CACNA2D1: variants seen among roughly 807,000 people sequenced by gnomAD.
CACNA2D1 encodes the protein calcium voltage-gated channel auxiliary subunit alpha2delta 1.
CACNA2D1 carries 53 observed loss-of-function variants against 171.5 expected under a neutral mutation model. The ratio of observed to expected loss-of-function variants is 0.31; its 90% CI spans 0.25 to 0.39. The LOEUF (loss-of-function observed/expected upper bound fraction) is 0.39, where lower values mean the gene tolerates loss of function less well. Among genes scored for constraint, CACNA2D1 ranks in the 10% least tolerant of loss-of-function variants. CACNA2D1 has a pLI of 1.00. For synonymous variants in CACNA2D1, 442 were observed against 443.1 expected (o/e 1.00, Z 0.03); for missense variants, 903 against 1,299.8 (o/e 0.69, Z 4.69).
chr7:82,280,505 C>T (rs958876143), intron 3 of CACNA2D1, among the ~76,000 whole-genome samples: 2 of 152,114 alleles, frequency 1.3e-5, no homozygotes, highest in Non-Finnish European at 2.9e-5. Context: ...CTTCCTACTC[C>T]CAAGCTGTAG....
At chr7:81,955,403 T>TTTTTTTCAACTTAA (rs1162500647) in intron 38 of CACNA2D1, among the ~76,000 whole-genome samples, 2 of 152,272 alleles carry the variant, frequency 1.3e-5, no homozygotes, top group East Asian at 3.9e-4. Flanking sequence ...TTTGTAATGA[T>TTTTTTTCAACTTAA]TTTTTTCAAC....
At chr7:82,076,390 T>TA (rs1808969021) in intron 7 of CACNA2D1, among the ~76,000 whole-genome samples, 1 of 152,144 alleles carries the variant, frequency 6.6e-6, no homozygotes, top group Non-Finnish European at 1.5e-5. Context: ...TGTTCTAAGT[T>TA]AAACTCATCA....
intron 4 of CACNA2D1, among the ~76,000 whole-genome samples, chr7:82,168,322 T>G (rs894558350): frequency 6.6e-6 from 1 of 152,070 alleles, no homozygotes; most frequent in Non-Finnish European, 1.5e-5. Flanking sequence ...TTTTGTATTT[T>G]TAGTGGAGAT....
intron 1 of CACNA2D1, among the ~76,000 whole-genome samples, chr7:82,405,181 G>A (rs950790355): frequency 2.6e-5 from 4 of 152,020 alleles, no homozygotes; most frequent in Admixed American, 2.6e-4. Flanking sequence ...GCTCAGTAAT[G>A]GAGGACAATA....
At chr7:82,148,980 C>T (rs2129104288) in intron 4 of CACNA2D1, among the ~76,000 whole-genome samples, 1 of 152,248 alleles carries the variant, frequency 6.6e-6, no homozygotes, top group Non-Finnish European at 1.5e-5. Context: ...CTTGTATTTC[C>T]CCACTCTATA....
intron 1 of CACNA2D1, among the ~76,000 whole-genome samples, chr7:82,402,595 C>A (rs2129451986): frequency 6.6e-6 from 1 of 150,996 alleles, no homozygotes; most frequent in South Asian, 2.1e-4. Context: ...CCTGTAGTCC[C>A]AGCTATTCGG....
intron 3 of CACNA2D1, among the ~76,000 whole-genome samples, chr7:82,228,620 G>T (rs1802597217): frequency 6.6e-6 from 1 of 152,144 alleles, no homozygotes; most frequent in Non-Finnish European, 1.5e-5. Flanking sequence ...ATTGCTATGA[G>T]CTTTAGTTTT....
chr7:82,064,665 A>G (rs528221415), intron 8 of CACNA2D1, among the ~76,000 whole-genome samples: 40 of 152,286 alleles, frequency 2.6e-4, no homozygotes, highest in Non-Finnish European at 5.0e-4. Flanking sequence ...CTAAACTCCA[A>G]TTGTTGACCA....
At chr7:82,314,370 C>T (rs1172371457) in intron 3 of CACNA2D1, among the ~76,000 whole-genome samples, 2 of 152,114 alleles carry the variant, frequency 1.3e-5, no homozygotes, top group Non-Finnish European at 2.9e-5. Flanking sequence ...TGGTCATTAT[C>T]GAATGTGAGA....
chr7:82,436,061 G>A (rs1010720679), intron 1 of CACNA2D1, among the ~76,000 whole-genome samples: 2 of 152,080 alleles, frequency 1.3e-5, no homozygotes, highest in Non-Finnish European at 2.9e-5. Context: ...AGTTGCTAAT[G>A]TTTTCCTTAG....
At chr7:82,176,017 C>T (rs1796512619) in intron 3 of CACNA2D1, among the ~76,000 whole-genome samples, 1 of 151,812 alleles carries the variant, frequency 6.6e-6, no homozygotes, top group African/African-American at 2.4e-5. Context: ...ATAGGGTAAC[C>T]AAAAGCATAT....
intron 3 of CACNA2D1, among the ~76,000 whole-genome samples, chr7:82,195,156 G>T (rs1012632338): frequency 6.6e-6 from 1 of 151,868 alleles, no homozygotes; most frequent in African/African-American, 2.4e-5. Flanking sequence ...TAATGACACT[G>T]CAATTAGTAC....
At chr7:82,200,325 C>T (rs190413639) in intron 3 of CACNA2D1, among the ~76,000 whole-genome samples, 132 of 151,952 alleles carry the variant, frequency 8.7e-4, no homozygotes, top group African/African-American at 3.0e-3. Context: ...AAAATGTATA[C>T]TCATGCATCA....
At chr7:82,424,951 G>C (rs918402484) in intron 1 of CACNA2D1, among the ~76,000 whole-genome samples, 1 of 152,184 alleles carries the variant, frequency 6.6e-6, no homozygotes, top group African/African-American at 2.4e-5. Flanking sequence ...TATAACACTT[G>C]TGGTAGGCAG....
At chr7:82,426,176 T>C (rs1829164878) in intron 1 of CACNA2D1, among the ~76,000 whole-genome samples, 1 of 94,632 alleles carries the variant, frequency 1.1e-5, no homozygotes, top group Non-Finnish European at 2.1e-5. Context: ...AATAAATAAA[T>C]AAATACATAA....
intron 3 of CACNA2D1, among the ~76,000 whole-genome samples, chr7:82,196,722 G>A (rs1185893065): frequency 6.6e-6 from 1 of 151,772 alleles, no homozygotes; most frequent in African/African-American, 2.4e-5. Context: ...AATAGACTCC[G>A]ATTTATATTT....
At chr7:82,300,876 G>T (rs1812915438) in intron 3 of CACNA2D1, among the ~76,000 whole-genome samples, 1 of 151,984 alleles carries the variant, frequency 6.6e-6, no homozygotes, top group East Asian at 1.9e-4. Flanking sequence ...TTTCAAAACA[G>T]TCTGAATACT....
chr7:81,947,126 C>CA lies in CACNA2D1; in HGVS notation c.*3265dup, dbSNP rs1324283381. 3 of 151,858 alleles carry CA rather than the reference C, an allele frequency of 2.0e-5. No individual in the cohort carries two copies. Among genetic ancestry groups the CA allele is most frequent in the Non-Finnish European group, 4.4e-5 (3 of 67,900 alleles). The allele number at this position is 151,858 out of a possible 1,614,324, so 9.4% of individuals were successfully genotyped here. ...ATAGATTCAGAGTTTTAAATGAAGACAAAATCTTAAGCTTTGTTGGTCACA... is the reference window on the plus strand; with the variant it reads ...ATAGATTCAGAGTTTTAAATGAAGACAAAAATCTTAAGCTTTGTTGGTCACA... On this transcript the variant is annotated 3_prime_UTR_variant, in exon 39 of 39. Transcript: ENST00000356860.
intron 3 of CACNA2D1, among the ~76,000 whole-genome samples, chr7:82,185,188 A>G (rs546503196): frequency 6.6e-6 from 1 of 152,116 alleles, no homozygotes; most frequent in South Asian, 2.1e-4. Context: ...TAACCAATTA[A>G]GCATTTGAAA....
Sources: gnomAD v4.1 joint callset for allele counts (sites outside exome capture counted in the v4.1 genomes callset) on GRCh38, gnomAD v4.1.1 for gene constraint, MANE v1.5 for transcripts, NCBI Gene and HGNC (gene_info 2026-07-23, HGNC 2026-07-21) for gene names.